PDE4B: variants seen among roughly 807,000 people sequenced by gnomAD.
The protein encoded by PDE4B is 3',5'-cyclic-AMP phosphodiesterase 4B.
Under a neutral mutation model 82.2 loss-of-function variants are expected in PDE4B, and 20 were observed. That is an observed-to-expected ratio of 0.24 (90% CI 0.17 to 0.35). PDE4B has a LOEUF of 0.35. PDE4B is among the 10% of genes least tolerant of loss of function. PDE4B has a pLI of 1.00. For missense variants in PDE4B, 655 were observed against 907.2 expected (o/e 0.72, Z 3.57); for synonymous variants, 320 against 318.9 (o/e 1.00, Z -0.04).
chr1:66,107,271 A>G (rs975157735), intron 3 of PDE4B, among the ~76,000 whole-genome samples: 2 of 151,770 alleles, frequency 1.3e-5, no homozygotes, highest in Non-Finnish European at 2.9e-5. Context: ...TTAATCCTGA[A>G]TTCTAGTCTG....
rs114413875 is a variant in PDE4B at position 66,072,951 on chromosome 1, A to C, written c.281+154116A>C. ...AAGGTGGAGGTGAAGTAAACAAACAAAATTTAAACAGCAAATAAAAAAAAT... is the reference window on the plus strand; with the variant it reads ...AAGGTGGAGGTGAAGTAAACAAACACAATTTAAACAGCAAATAAAAAAAAT... On this transcript the variant is annotated intron_variant, in intron 3 of 16. Coordinates refer to ENST00000341517, the MANE Select transcript of PDE4B (RefSeq NM_002600.4). Among the ~76,000 whole-genome samples, 1,484 of 152,222 alleles carry C rather than the reference A, an allele frequency of 9.7e-3. 24 individuals carry two copies. Among genetic ancestry groups the C allele is most frequent in the African/African-American group, 0.034 (1,416 of 41,548 alleles).
At position 66,290,559 on chromosome 1, in the gene PDE4B, C is replaced by T. The variant is rs145478045; in HGVS notation, c.634+24472C>T. On this transcript the variant is annotated intron_variant, in intron 7 of 16. Transcript: ENST00000341517. ...AACTTCCAGGCAAGACTGAGAGTTC[C>T]TCTGAGATTTTAAATTATGAATATA... 2.0e-3 allele frequency among the ~76,000 whole-genome samples: 312 copies of T among 152,216 alleles called. 1 individual carries two copies. Among genetic ancestry groups the T allele is most frequent in the African/African-American group, 7.2e-3 (299 of 41,542 alleles).
At chr1:66,022,599 T>C (rs1475225354) in intron 3 of PDE4B, among the ~76,000 whole-genome samples, 1 of 152,228 alleles carries the variant, frequency 6.6e-6, no homozygotes, top group Non-Finnish European at 1.5e-5. Flanking sequence ...ATTTATATGC[T>C]GGATTACGTT....
At chr1:65,858,688 C>A (rs1001289327) in intron 1 of PDE4B, among the ~76,000 whole-genome samples, 16 of 152,108 alleles carry the variant, frequency 1.1e-4, no homozygotes, top group African/African-American at 2.7e-4. Flanking sequence ...AGTCTGTATA[C>A]CGTATTTTCC....
At chr1:66,061,722 CA>C (rs1171642201) in intron 3 of PDE4B, among the ~76,000 whole-genome samples, 1 of 151,960 alleles carries the variant, frequency 6.6e-6, no homozygotes, top group Non-Finnish European at 1.5e-5. Flanking sequence ...TTACTGCTTA[CA>C]AATAACTGTT....
chr1:65,871,604 T>C (rs1030062667), intron 1 of PDE4B, among the ~76,000 whole-genome samples: 1 of 152,356 alleles, frequency 6.6e-6, no homozygotes, highest in African/African-American at 2.4e-5. Context: ...TTTATTTTTA[T>C]TTCTAACTAA....
intron 3 of PDE4B, among the ~76,000 whole-genome samples, chr1:66,183,840 G>A (rs892712689): frequency 1.3e-5 from 2 of 152,118 alleles, no homozygotes; most frequent in Admixed American, 1.3e-4. Context: ...GCATCCACAC[G>A]TACCTTAAAT....
In PDE4B at chr1:66,178,762, T is replaced by G. The variant is rs1047937244; in HGVS notation, c.282-68698T>G. ...AATAAGTGAAATATCTTCAAGGACC[T>G]TTTGATTACATTTGGATAATGAAAT... On this transcript the variant is annotated intron_variant, in intron 3 of 16. Coordinates refer to ENST00000341517, the MANE Select transcript of PDE4B (RefSeq NM_002600.4). Among the ~76,000 whole-genome samples the G allele has an allele frequency of 7.9e-5, 12 of 152,354 alleles. 1 individual carries two copies. The South Asian group carries it at 8.3e-4, about 11-fold the overall frequency.
intron 7 of PDE4B, among the ~76,000 whole-genome samples, chr1:66,318,473 C>T (rs1482780374): frequency 6.6e-6 from 1 of 152,160 alleles, no homozygotes; most frequent in Non-Finnish European, 1.5e-5. Flanking sequence ...TCTGAATCCA[C>T]TAAGTCTGTG....
Position 66,374,356 on chromosome 1 carries a change from T to G in PDE4B, c.*1678T>G, listed in dbSNP as rs902246113. 1.3e-5 allele frequency: 2 copies of G among 152,678 alleles called. No individual in the cohort carries two copies. Among genetic ancestry groups the G allele is most frequent in the African/African-American group, 4.8e-5 (2 of 41,454 alleles). The allele number at this position is 152,678 out of a possible 1,614,324, so 9.5% of individuals were successfully genotyped here. ...GTCAGTTTCAGTTTGTAAAATATGT[T>G]TCATGCTTTCAGTTCAGCATTGTGA... On this transcript the variant is annotated 3_prime_UTR_variant, in exon 17 of 17. Coordinates refer to ENST00000341517, the MANE Select transcript of PDE4B (RefSeq NM_002600.4).
chr1:66,129,410 C>T (rs1206333348), intron 3 of PDE4B, among the ~76,000 whole-genome samples: 3 of 152,100 alleles, frequency 2.0e-5, no homozygotes, highest in African/African-American at 4.8e-5. Flanking sequence ...GTAATCCCAG[C>T]ACTTTGGGAG....
intron 1 of PDE4B, among the ~76,000 whole-genome samples, chr1:65,847,229 C>G (rs1646277507): frequency 6.6e-6 from 1 of 152,192 alleles, no homozygotes; most frequent in African/African-American, 2.4e-5. Context: ...AAACATTTTC[C>G]ATGGGCTCAT....
At chr1:65,885,316 A>G (rs1474975105) in intron 1 of PDE4B, among the ~76,000 whole-genome samples, 1 of 152,234 alleles carries the variant, frequency 6.6e-6, no homozygotes, top group Non-Finnish European at 1.5e-5. Flanking sequence ...TTCCTCAAGT[A>G]TCTAGAACTA....
At chr1:66,201,931 G>A (rs1648999970) in intron 3 of PDE4B, among the ~76,000 whole-genome samples, 1 of 151,978 alleles carries the variant, frequency 6.6e-6, no homozygotes, top group South Asian at 2.1e-4. Context: ...TCTTTTAATT[G>A]TGATGTTGGG....
At chr1:66,148,649 G>A (rs1443226123) in intron 3 of PDE4B, among the ~76,000 whole-genome samples, 1 of 152,098 alleles carries the variant, frequency 6.6e-6, no homozygotes, top group East Asian at 1.9e-4. Flanking sequence ...CACTCTCCAT[G>A]AGCATTCACT....
rs1278748739 is a variant in PDE4B at position 65,819,503 on chromosome 1, TG to T, written c.-71+26256del. 3.2e-3 allele frequency among the ~76,000 whole-genome samples: 435 copies of T among 135,610 alleles called. 6 individuals carry two copies. Among genetic ancestry groups the T allele is most frequent in the African/African-American group, 0.012 (409 of 32,956 alleles). 89.0% of individuals were successfully genotyped at this position (135,610 alleles called of 152,430 possible). A position where few individuals can be genotyped will look rare whatever the true frequency, so the allele number is the denominator to read the frequency against. On this transcript the variant is annotated intron_variant, in intron 1 of 16. Coordinates refer to ENST00000341517, the MANE Select transcript of PDE4B (RefSeq NM_002600.4). The stretch of plus-strand genomic sequence containing the variant: ...CTTATTCTCTTGTTTGTTTTTGTTT[TG>T]TTTTTTTTTTTTTTTGAGACAGAGT...
intron 1 of PDE4B, among the ~76,000 whole-genome samples, chr1:65,857,431 A>AT (rs1035236008): frequency 7.2e-5 from 11 of 151,860 alleles, no homozygotes; most frequent in Admixed American, 6.6e-4. Context: ...TTACTTTTTT[A>AT]TTTTTATTTT....
At chr1:66,320,444 G>A (rs1346854324) in intron 7 of PDE4B, among the ~76,000 whole-genome samples, 1 of 152,180 alleles carries the variant, frequency 6.6e-6, no homozygotes, top group East Asian at 1.9e-4. Flanking sequence ...GCAAAAGAAA[G>A]ATAGAGCTGA....
chr1:66,153,321 C>T (rs765576802), intron 3 of PDE4B, among the ~76,000 whole-genome samples: 2 of 152,130 alleles, frequency 1.3e-5, no homozygotes, highest in Non-Finnish European at 2.9e-5. Context: ...CTTCCCAAAC[C>T]TTGGCTGCTT....
Sources: allele counts gnomAD v4.1 joint callset (sites outside exome capture counted in the v4.1 genomes callset), GRCh38; gene constraint gnomAD v4.1.1; transcripts MANE v1.5; gene names NCBI Gene and HGNC (gene_info 2026-07-23, HGNC 2026-07-21).